LPP: variants seen among roughly 807,000 people sequenced by gnomAD.
LPP encodes LIM domain containing preferred translocation partner in lipoma.
A neutral mutation model predicts 60.4 loss-of-function variants in LPP; 38 were observed. The ratio of observed to expected loss-of-function variants is 0.63; its 90% confidence interval spans 0.49 to 0.83. The LOEUF (loss-of-function observed/expected upper bound fraction) is 0.83, where lower values mean the gene tolerates loss of function less well. Ranked by LOEUF, LPP falls within the 40% of genes least tolerant of loss-of-function variation. LPP has a pLI of 0.00. For synonymous variants in LPP, 328 were observed against 290.8 expected (o/e 1.13, Z -1.30); for missense variants, 902 against 783.6 (o/e 1.15, Z -1.80).
intron 6 of LPP, among the ~76,000 whole-genome samples, chr3:188,541,137 T>C (rs143538437): frequency 7.4e-4 from 113 of 152,316 alleles, no homozygotes; most frequent in Non-Finnish European, 1.4e-3. Context: ...GGCCTATTGA[T>C]GTAAGTTATT....
At chr3:188,353,660 G>A (rs540650785) in intron 3 of LPP, among the ~76,000 whole-genome samples, 1 of 152,194 alleles carries the variant, frequency 6.6e-6, no homozygotes, top group Non-Finnish European at 1.5e-5. Context: ...TTCTGCTGAG[G>A]AGTCTTCAGT....
intron 7 of LPP, among the ~76,000 whole-genome samples, chr3:188,652,251 TC>T (rs1235517980): frequency 1.3e-5 from 2 of 152,240 alleles, no homozygotes; most frequent in Non-Finnish European, 2.9e-5. Context: ...GTAATAGTGA[TC>T]TGGACTTCAT....
At chr3:188,563,779 G>A (rs1026024365) in intron 6 of LPP, among the ~76,000 whole-genome samples, 6 of 144,716 alleles carry the variant, frequency 4.1e-5, no homozygotes, top group African/African-American at 1.3e-4. Context: ...GGCCATCATC[G>A]CAAATGTTAG....
rs760058728 is a variant in LPP, at chr3:188,407,768, G to GTTT, written c.193+1464_193+1466dup. On this transcript the variant is annotated intron_variant, in intron 4 of 11. Transcript: ENST00000617246. ...CCATATGTTGGCTTCCTCATTTATG[G>GTTT]TTTTTTTTTTTGTTTGTTTGTTTTT... Among the ~76,000 whole-genome samples the GTTT allele has an allele frequency of 3.9e-4, 24 of 61,302 alleles. 1 individual carries two copies. The highest frequency in any genetic ancestry group is 1.6e-3 in the East Asian group (2 of 1,224). 40.2% of individuals were successfully genotyped at this position (61,302 alleles called of 152,430 possible).
intron 8 of LPP, among the ~76,000 whole-genome samples, chr3:188,722,164 G>T (rs1439405363): frequency 6.6e-6 from 1 of 152,150 alleles, no homozygotes; most frequent in Non-Finnish European, 1.5e-5. Context: ...CTTGAAAGTA[G>T]CTTTCAATGC....
chr3:188,349,813 T>G (rs886155582), intron 3 of LPP, among the ~76,000 whole-genome samples: 1 of 152,224 alleles, frequency 6.6e-6, no homozygotes. Context: ...TCTGAGGCCC[T>G]CGGCCAGCTG....
intron 3 of LPP, among the ~76,000 whole-genome samples, chr3:188,389,985 G>T (rs76534604): frequency 0.021 from 3,234 of 152,170 alleles, 42 homozygotes; most frequent in Non-Finnish European, 0.033. Flanking sequence ...GTCCAATTGT[G>T]TTCCTTCCAA....
In LPP at chr3:188,889,968, A is replaced by G. The variant is rs1771075285; in HGVS notation, c.*15489A>G. On this transcript the variant is annotated 3_prime_UTR_variant, in exon 12 of 12. Transcript: ENST00000617246. Reference sequence around the variant, plus strand: ...AAAATTTCAGTGTAATGTCATAAGGATGTTGGGATACAGAGATTTTTTTTT... The same window carrying G: ...AAAATTTCAGTGTAATGTCATAAGGGTGTTGGGATACAGAGATTTTTTTTT... 2 of 212,846 alleles carry G rather than the reference A, an allele frequency of 9.4e-6. No individual in the cohort carries two copies. The highest frequency in any genetic ancestry group is 2.3e-5 in the African/African-American group (1 of 43,984). The allele number at this position is 212,846 out of a possible 1,614,324, so 13.2% of individuals were successfully genotyped here. A position where few individuals can be genotyped will look rare whatever the true frequency, so the allele number is the denominator to read the frequency against.
In LPP at chr3:188,881,160, A is replaced by T. The variant is rs549960994; in HGVS notation, c.*6681A>T. ...GTCTCAAAAAAAAAAAAAAAAAAATAGGATCATGGCCCTTTTAAAGATCTG... is the reference window on the plus strand; with the variant it reads ...GTCTCAAAAAAAAAAAAAAAAAAATTGGATCATGGCCCTTTTAAAGATCTG... On this transcript the variant is annotated 3_prime_UTR_variant, in exon 12 of 12. Coordinates refer to ENST00000617246, the MANE Select transcript of LPP (RefSeq NM_001375462.1). The T allele has an allele frequency of 4.2e-3, 693 of 163,872 alleles. 9 individuals carry two copies. Among genetic ancestry groups the T allele is most frequent in the African/African-American group, 0.016 (640 of 40,596 alleles). 10.2% of individuals were successfully genotyped at this position (163,872 alleles called of 1,614,324 possible). A position where few individuals can be genotyped will look rare whatever the true frequency, so the allele number is the denominator to read the frequency against.
At chr3:188,394,283 C>T (rs1296272512) in intron 3 of LPP, among the ~76,000 whole-genome samples, 1 of 152,130 alleles carries the variant, frequency 6.6e-6, no homozygotes, top group Non-Finnish European at 1.5e-5. Context: ...CAGGTAGGAC[C>T]AATAGGTGGT....
At chr3:188,843,231 T>G (rs1057446689) in intron 9 of LPP, among the ~76,000 whole-genome samples, 2 of 152,216 alleles carry the variant, frequency 1.3e-5, no homozygotes, top group Admixed American at 6.5e-5. Context: ...TGAGGGGCTG[T>G]GACACCAGCC....
intron 3 of LPP, among the ~76,000 whole-genome samples, chr3:188,379,853 A>G (rs1776384560): frequency 1.3e-5 from 2 of 152,182 alleles, no homozygotes; most frequent in African/African-American, 4.8e-5. Context: ...TTTGTAAGAA[A>G]CCACGGTCTG....
chr3:188,733,228 A>G (rs1036885913), intron 8 of LPP, among the ~76,000 whole-genome samples: 8 of 151,938 alleles, frequency 5.3e-5, no homozygotes, highest in Non-Finnish European at 1.0e-4. Flanking sequence ...CTGCAGAGTG[A>G]CTACGTCTAC....
At chr3:188,172,601 G>A (rs1233523873) in intron 1 of LPP, among the ~76,000 whole-genome samples, 1 of 152,016 alleles carries the variant, frequency 6.6e-6, no homozygotes, top group African/African-American at 2.4e-5. Context: ...TTTAATTTTG[G>A]AGTAATTTTA....
In LPP at chr3:188,391,976, G is replaced by A. The variant is rs571131450; in HGVS notation, c.-9-14136G>A. On this transcript the variant is annotated intron_variant, in intron 3 of 11. Transcript: ENST00000617246. ...ATATCAAGCCAATTACATATATTTTGGCAGAATTTCTTTTGCAATCAAACC... is the reference window on the plus strand; with the variant it reads ...ATATCAAGCCAATTACATATATTTTAGCAGAATTTCTTTTGCAATCAAACC... 2.6e-5 allele frequency among the ~76,000 whole-genome samples: 4 copies of A among 152,226 alleles called. No homozygotes were observed. In the South Asian group the frequency reaches 8.3e-4, roughly 32 times the overall value.
At position 188,881,876 on chromosome 3, in the gene LPP, A is replaced by G. The variant is rs893915343; in HGVS notation, c.*7397A>G. ...GTTATACATAAATATTTGCTGGTTG[A>G]TTGATTTCGAGATTCATTCATTCTG... On this transcript the variant is annotated 3_prime_UTR_variant, in exon 12 of 12. Transcript: ENST00000617246. The G allele has an allele frequency of 9.3e-6, 2 of 215,646 alleles. No individual in the cohort carries two copies. Among genetic ancestry groups the G allele is most frequent in the African/African-American group, 4.5e-5 (2 of 44,384 alleles). 13.4% of individuals were successfully genotyped at this position (215,646 alleles called of 1,614,324 possible).
At chr3:188,551,690 T>C (rs1007131019) in intron 6 of LPP, among the ~76,000 whole-genome samples, 1 of 152,130 alleles carries the variant, frequency 6.6e-6, no homozygotes, top group African/African-American at 2.4e-5. Flanking sequence ...TGGTGTGTAC[T>C]GTGGGTTGAG....
intron 4 of LPP, among the ~76,000 whole-genome samples, chr3:188,438,860 G>A (rs528773495): frequency 2.0e-5 from 3 of 152,174 alleles, no homozygotes; most frequent in African/African-American, 7.2e-5. Context: ...TACATAGCAG[G>A]TTCCCATTAA....
intron 9 of LPP, among the ~76,000 whole-genome samples, chr3:188,835,946 C>G (rs752797717): frequency 1.6e-4 from 25 of 152,132 alleles, no homozygotes; most frequent in Admixed American, 3.3e-4. Context: ...CAGGGTACTT[C>G]TTTGTATTTT....
Sources: allele counts gnomAD v4.1 joint callset (sites outside exome capture counted in the v4.1 genomes callset), GRCh38; gene constraint gnomAD v4.1.1; transcripts MANE v1.5; gene names NCBI Gene and HGNC (gene_info 2026-07-23, HGNC 2026-07-21).